Variants in RSPH3 observed in about 807,000 individuals in gnomAD.
The protein encoded by RSPH3 is radial spoke head 3.
A neutral mutation model predicts 43.8 loss-of-function variants in RSPH3; 21 were observed. The ratio of observed to expected loss-of-function variants is 0.48; its 90% CI spans 0.34 to 0.69. The LOEUF is 0.69. Ranked by LOEUF, RSPH3 falls within the 30% of genes least tolerant of loss-of-function variation. RSPH3 has a pLI of 0.01. For missense variants in RSPH3, 487 were observed against 516.0 expected (o/e 0.94, Z 0.54); for synonymous variants, 173 against 179.8 (o/e 0.96, Z 0.30).
chr6:158,983,711 A>G lies in RSPH3; in HGVS notation c.443T>C (p.Ile148Thr). 1 of 1,613,588 alleles carries G rather than the reference A, an allele frequency of 6.2e-7. No individual in the cohort carries two copies. The change falls in exon 4 of 8, where the codon ATT (isoleucine) becomes ACT (threonine). Residue 148 changes from isoleucine (I) to threonine (T), a missense_variant. Transcript: ENST00000367069. ...FLDRPPTPLF[I>T]PAKTGKDVAT... ...CACATCTTTGCCAGTTTTGGCAGGA[A>G]TAAAGAGTGGTGTTGGTGGTCTGTC...
At chr6:158,994,352 C>T (rs1415556690) in intron 1 of RSPH3, among the ~76,000 whole-genome samples, 1 of 152,162 alleles carries the variant, frequency 6.6e-6, no homozygotes, top group East Asian at 1.9e-4. Context: ...AAAAGTTACA[C>T]TAATAAAAAA....
chr6:158,971,584 T>G (rs903476154), downstream of RSPH3, among the ~76,000 whole-genome samples: 3 of 152,218 alleles, frequency 2.0e-5, no homozygotes, highest in Non-Finnish European at 4.4e-5. Flanking sequence ...GTTAGTGCTA[T>G]GAGTTTTCCC....
At chr6:158,969,117 C>T (rs1777664549), downstream of RSPH3, among the ~76,000 whole-genome samples, 1 of 152,144 alleles carries the variant, frequency 6.6e-6, no homozygotes, top group Admixed American at 6.5e-5. Flanking sequence ...CTCCTTATTT[C>T]TTAATGTGGA....
chr6:158,980,433 A>C (rs1777995936), intron 6 of RSPH3, among the ~76,000 whole-genome samples: 1 of 152,054 alleles, frequency 6.6e-6, no homozygotes, highest in Admixed American at 6.6e-5. Flanking sequence ...TGTCTCAAAA[A>C]AAAAAAAAAA....
At chr6:158,998,591 C>G (rs1025519005) in intron 1 of RSPH3, among the ~76,000 whole-genome samples, 4 of 151,450 alleles carry the variant, frequency 2.6e-5, no homozygotes, top group African/African-American at 4.9e-5. Context: ...CGCGGTGGCT[C>G]ACGCTTGTAA....
chr6:158,966,629 A>T, the RSPH3 span, among the ~76,000 whole-genome samples: 25 of 151,954 alleles, frequency 1.6e-4, no homozygotes, highest in African/African-American at 5.8e-4. Context: ...TAATATTCCC[A>T]TAATAATCTT....
At chr6:158,972,584 T>G (rs1359105977), downstream of RSPH3, among the ~76,000 whole-genome samples, 2 of 152,226 alleles carry the variant, frequency 1.3e-5, no homozygotes, top group Non-Finnish European at 2.9e-5. Flanking sequence ...TGACACCTAG[T>G]GGTTATAATC....
At chr6:158,984,823 G>A (rs980215498) in intron 3 of RSPH3, among the ~76,000 whole-genome samples, 19 of 152,188 alleles carry the variant, frequency 1.2e-4, no homozygotes, top group African/African-American at 4.3e-4. Flanking sequence ...TTCAGTCTCT[G>A]AGGAAATAGC....
intron 7 of RSPH3, among the ~76,000 whole-genome samples, 189 bp from the exon 8 acceptor site, chr6:158,978,037 C>A (rs76447601): frequency 0.018 from 2,709 of 152,222 alleles, 33 homozygotes; most frequent in Middle Eastern, 0.024. Flanking sequence ...ATTCTGTTTT[C>A]ACAGAGTATC....
Position 158,989,189 on chromosome 6 carries a change from G to A in RSPH3, c.205-2768C>T, listed in dbSNP as rs1778327229. Reference sequence around the variant, plus strand: ...AGCCTCTCAAGTAGCTGGGATTACAGGTGCCCGCCACCATGCCTGGCTAAT... The same window carrying A: ...AGCCTCTCAAGTAGCTGGGATTACAAGTGCCCGCCACCATGCCTGGCTAAT... On this transcript the variant is annotated intron_variant, in intron 2 of 7. Coordinates refer to ENST00000367069, the MANE Select transcript of RSPH3 (RefSeq NM_031924.8). This position sits in a 1 kb window ranked among gnomAD's most constrained non-coding sequence, Gnocchi z 4.3. 6.6e-6 allele frequency among the ~76,000 whole-genome samples: 1 copy of A among 152,076 alleles called. No individual in the cohort carries two copies.
chr6:158,964,575 G>A, the RSPH3 span, among the ~76,000 whole-genome samples: 16 of 152,078 alleles, frequency 1.1e-4, no homozygotes, highest in African/African-American at 3.6e-4. Context: ...AATGACTAAT[G>A]TTATTGAACA....
At position 158,972,906 on chromosome 6, in the gene RSPH3, G is replaced by A. The variant is rs929493269; in HGVS notation, c.*4632C>T. ...GATCAGTTTATTGAATTTTAGTAAT[G>A]TAAGTTGAGATCATGAAACATACAA... On this transcript the variant is annotated 3_prime_UTR_variant, in exon 8 of 8. Coordinates refer to ENST00000367069, the MANE Select transcript of RSPH3 (RefSeq NM_031924.8). 4 of 152,174 alleles carry A rather than the reference G, an allele frequency of 2.6e-5. No individual in the cohort carries two copies. Among genetic ancestry groups the A allele is most frequent in the African/African-American group, 9.7e-5 (4 of 41,446 alleles). 9.4% of individuals were successfully genotyped at this position (152,174 alleles called of 1,614,324 possible). A position where few individuals can be genotyped will look rare whatever the true frequency, so the allele number is the denominator to read the frequency against.
At chr6:158,983,520 C>T in intron 4 of RSPH3, 142 bp downstream of exon 4, 1 of 719,956 alleles carries the variant, frequency 1.4e-6, no homozygotes, top group Non-Finnish European at 2.5e-6. Context: ...TATGATAAAA[C>T]CATTATAGAT....
intron 2 of RSPH3, among the ~76,000 whole-genome samples, chr6:158,987,230 CTG>C (rs1778263923): frequency 6.6e-6 from 1 of 152,104 alleles, no homozygotes; most frequent in Admixed American, 6.5e-5. Context: ...TACAGAGTGA[CTG>C]TGTTTCTTTT....
At chr6:158,978,410 T>G (rs560442427) in intron 6 of RSPH3, 64 bp from the exon 7 acceptor site, 7 of 772,132 alleles carry the variant, frequency 9.1e-6, no homozygotes, top group African/African-American at 3.4e-5. Context: ...TTTCTCTTAA[T>G]GTAATAGACT....
rs1466506381 is a variant in RSPH3 at position 158,999,920 on chromosome 6, C to A, written c.-370G>T. 1 of 1,612,030 alleles carries A rather than the reference C, an allele frequency of 6.2e-7. No individual in the cohort carries two copies. Among genetic ancestry groups the A allele is most frequent in the Non-Finnish European group, 8.5e-7 (1 of 1,179,170 alleles). On this transcript the variant is annotated 5_prime_UTR_variant, in exon 1 of 8. Transcript: ENST00000367069. ...CAGCCGCGCCACCCAGGTAGGTGCG[C>A]CTGCGCTTTGCGAGGTTCCTGGCTA...
At position 158,977,618 on chromosome 6, in the gene RSPH3, A is replaced by T. The variant is rs758093599; in HGVS notation, c.1177T>A (p.Phe393Ile). The change falls in exon 8 of 8, where the codon TTT becomes ATT. Residue 393 changes from phenylalanine (F) to isoleucine (I), a missense_variant. Coordinates refer to ENST00000367069, the MANE Select transcript of RSPH3 (RefSeq NM_031924.8). ...YDRRSSQERKFMEERELLGQD... is the reference protein window; with the variant it reads ...YDRRSSQERKIMEERELLGQD... ...CCTAAGAGTTCTCTCTCTTCCATAAACTTCCTTTCCTGGGATGACCTTCTG... is the reference window on the plus strand; with the variant it reads ...CCTAAGAGTTCTCTCTCTTCCATAATCTTCCTTTCCTGGGATGACCTTCTG... 1 of 1,613,822 alleles carries T rather than the reference A, an allele frequency of 6.2e-7. No homozygotes were observed. The highest frequency in any genetic ancestry group is 1.1e-5 in the South Asian group (1 of 91,076).
chr6:158,988,038 A>T (rs764042561), intron 2 of RSPH3: 3 of 152,188 alleles, frequency 2.0e-5, no homozygotes, highest in Non-Finnish European at 2.9e-5. Context: ...ATTCCCTTCA[A>T]CACTTCTTGT....
intron 3 of RSPH3, among the ~76,000 whole-genome samples, chr6:158,986,063 G>A (rs541194910): frequency 4.6e-5 from 7 of 152,182 alleles, no homozygotes; most frequent in Non-Finnish European, 2.9e-5. Context: ...CGATCTGTCC[G>A]CCTCAGCCTC....
Sources: allele counts gnomAD v4.1 joint callset (sites outside exome capture counted in the v4.1 genomes callset), GRCh38; gene constraint gnomAD v4.1.1; non-coding constraint Gnocchi (gnomAD v3.1); transcripts MANE v1.5; gene names NCBI Gene and HGNC (gene_info 2026-07-23, HGNC 2026-07-21).